The following LRRC53 variants were observed in gnomAD, a reference collection of about 807,000 sequenced individuals.
LRRC53 encodes the protein leucine-rich repeat-containing protein 53.
LRRC53 carries 25 observed loss-of-function variants against 13.6 expected under a neutral mutation model. The observed-to-expected ratio is 1.83, with a 90% confidence interval of 1.34 to 2.56. LRRC53 has a LOEUF of 2.56. LRRC53 is among the 30% of genes most tolerant of loss of function. The pLI is 0.00. For synonymous variants in LRRC53, 204 were observed against 109.8 expected (o/e 1.86, Z -5.37); for missense variants, 527 against 275.8 (o/e 1.91, Z -6.45).
intron 1 of LRRC53, among the ~76,000 whole-genome samples, chr1:74,497,904 A>G (rs1163505834): frequency 6.6e-6 from 1 of 152,174 alleles, no homozygotes; most frequent in Non-Finnish European, 1.5e-5. Context: ...CATACGTTCC[A>G]GTGGTTCTAA....
At chr1:74,489,318 G>C in intron 1 of LRRC53, 1 of 1,511,414 alleles carries the variant, frequency 6.6e-7, no homozygotes. Context: ...AGGGAATGTA[G>C]ATGAGCTGGT....
At chr1:74,530,356 A>G in the LRRC53 span, among the ~76,000 whole-genome samples, 2 of 152,182 alleles carry the variant, frequency 1.3e-5, no homozygotes, top group African/African-American at 4.8e-5. Context: ...TTGAATTACA[A>G]CTGGGTTATC....
intron 1 of LRRC53, among the ~76,000 whole-genome samples, chr1:74,495,588 TTAAA>T (rs1423800710): frequency 1.3e-5 from 2 of 152,190 alleles, no homozygotes; most frequent in East Asian, 1.9e-4. Context: ...TTTAAACACT[TTAAA>T]TAGTCATCTA....
the LRRC53 span, among the ~76,000 whole-genome samples, chr1:74,522,758 A>G: frequency 6.6e-6 from 1 of 152,174 alleles, no homozygotes; most frequent in Non-Finnish European, 1.5e-5. Context: ...TCAAATCTGG[A>G]TTAAAACTGG....
intron 1 of LRRC53, among the ~76,000 whole-genome samples, chr1:74,486,122 C>G (rs1668746465): frequency 6.6e-6 from 1 of 151,556 alleles, no homozygotes; most frequent in Non-Finnish European, 1.5e-5. Context: ...GTCCTCTGTT[C>G]CTTCAAACAA....
chr1:74,487,419 A>T (rs953377430), intron 1 of LRRC53, among the ~76,000 whole-genome samples: 1 of 152,192 alleles, frequency 6.6e-6, no homozygotes, highest in Admixed American at 6.5e-5. Context: ...TGAATGGACT[A>T]GAAATATGTA....
chr1:74,526,265 G>A, the LRRC53 span, among the ~76,000 whole-genome samples: 2 of 152,042 alleles, frequency 1.3e-5, no homozygotes, highest in Non-Finnish European at 2.9e-5. Flanking sequence ...AACAAAGATG[G>A]CCTTTGAACT....
chr1:74,495,424 T>C (rs893907245), intron 1 of LRRC53, among the ~76,000 whole-genome samples: 3 of 152,160 alleles, frequency 2.0e-5, no homozygotes, highest in Non-Finnish European at 4.4e-5. Flanking sequence ...GTAAGAAATA[T>C]TTGTTGGGCA....
chr1:74,482,943 A>G (rs274585), intron 2 of LRRC53, among the ~76,000 whole-genome samples: 149,023 of 152,294 alleles, frequency 0.98, 72,928 homozygotes, highest in East Asian at 1. Context: ...CTGGTGGTAG[A>G]GTTCAAATCT....
chr1:74,507,707 C>G (rs1247105780), intron 1 of LRRC53, among the ~76,000 whole-genome samples: 1 of 152,148 alleles, frequency 6.6e-6, no homozygotes, highest in Non-Finnish European at 1.5e-5. Flanking sequence ...GTGAGAATTT[C>G]AAAGAACTTG....
intron 1 of LRRC53, among the ~76,000 whole-genome samples, chr1:74,499,359 T>A (rs974208479): frequency 6.6e-6 from 1 of 152,208 alleles, no homozygotes; most frequent in Non-Finnish European, 1.5e-5. Context: ...TTGCCCAGGC[T>A]GGTCTCCTAA....
At chr1:74,472,507 G>T (rs967645891) in intron 4 of LRRC53, among the ~76,000 whole-genome samples, 9 of 152,202 alleles carry the variant, frequency 5.9e-5, no homozygotes, top group African/African-American at 1.9e-4. Flanking sequence ...CTTTAAATAT[G>T]AATAGTATGT....
intron 1 of LRRC53, among the ~76,000 whole-genome samples, chr1:74,510,798 A>C (rs1226017066): frequency 6.6e-6 from 1 of 152,246 alleles, no homozygotes; most frequent in Non-Finnish European, 1.5e-5. Flanking sequence ...CTCTAGGTAC[A>C]CAGCACTGTG....
chr1:74,488,206 T>C (rs966088861), intron 1 of LRRC53, among the ~76,000 whole-genome samples: 3 of 152,082 alleles, frequency 2.0e-5, no homozygotes, highest in Non-Finnish European at 4.4e-5. Flanking sequence ...GGAGAAACCA[T>C]TTGGAAGTAG....
the LRRC53 span, among the ~76,000 whole-genome samples, chr1:74,527,892 G>T: frequency 6.6e-6 from 1 of 152,174 alleles, no homozygotes; most frequent in Non-Finnish European, 1.5e-5. Context: ...GTGGTGGATG[G>T]GAGTGGTGGG....
At chr1:74,496,622 T>C (rs1669340645) in intron 1 of LRRC53, among the ~76,000 whole-genome samples, 1 of 152,156 alleles carries the variant, frequency 6.6e-6, no homozygotes, top group Non-Finnish European at 1.5e-5. Flanking sequence ...TTATTATTAT[T>C]CTTTATAAAT....
At chr1:74,489,665 T>A (rs1668950754) in intron 1 of LRRC53, among the ~76,000 whole-genome samples, 1 of 152,148 alleles carries the variant, frequency 6.6e-6, no homozygotes, top group Non-Finnish European at 1.5e-5. Flanking sequence ...GTTCATAAAT[T>A]AGTTGGAATG....
the LRRC53 span, among the ~76,000 whole-genome samples, chr1:74,533,527 A>C: frequency 6.6e-6 from 1 of 152,182 alleles, no homozygotes; most frequent in African/African-American, 2.4e-5. Context: ...ATCTAGAACT[A>C]GAAATACCAT....
chr1:74,484,448 A>T (rs1668653223), intron 1 of LRRC53, among the ~76,000 whole-genome samples: 1 of 152,252 alleles, frequency 6.6e-6, no homozygotes, highest in Non-Finnish European at 1.5e-5. Flanking sequence ...GGATATAAAC[A>T]ATAAACAAAT....
Sources: gnomAD v4.1 joint callset for allele counts (sites outside exome capture counted in the v4.1 genomes callset) on GRCh38, gnomAD v4.1.1 for gene constraint, MANE v1.5 for transcripts, NCBI Gene and HGNC (gene_info 2026-07-23, HGNC 2026-07-21) for gene names.